Variants in THADA observed in about 807,000 individuals in gnomAD.
The protein encoded by THADA is THADA armadillo repeat containing.
A neutral mutation model predicts 219.8 loss-of-function variants in THADA; 213 were observed. That is an observed-to-expected ratio of 0.97 (90% confidence interval 0.87 to 1.09). The LOEUF is 1.09. Among genes scored for constraint, THADA ranks in the 50% least tolerant of loss-of-function variants. The pLI is 0.00. For synonymous variants in THADA, 1,018 were observed against 828.9 expected, an observed-to-expected ratio of 1.23 and a Z score of -3.92; for missense variants, 2,956 against 2,311.3, an observed-to-expected ratio of 1.28 and a Z score of -5.72.
chr2:43,512,782 G>A (rs775097177), intron 22 of THADA, among the ~76,000 whole-genome samples: 8 of 152,292 alleles, frequency 5.3e-5, no homozygotes, highest in East Asian at 1.9e-4. Flanking sequence ...GATTACAGGC[G>A]TGAGCCACCG....
intron 36 of THADA, among the ~76,000 whole-genome samples, chr2:43,264,761 G>A (rs1671333330): frequency 6.6e-6 from 1 of 152,178 alleles, no homozygotes; most frequent in South Asian, 2.1e-4. Flanking sequence ...AGAGGATAGA[G>A]GGCAGGGTTA....
In THADA at chr2:43,508,788, G is replaced by A. The variant is rs768619603; in HGVS notation, c.3375-8C>T. Reference sequence around the variant, plus strand: ...AGACTCACATTTGGGCACCTAAAAGGCATATATAATCAAATATTCGGAATT... The same window carrying A: ...AGACTCACATTTGGGCACCTAAAAGACATATATAATCAAATATTCGGAATT... On this transcript the variant is annotated splice_region_variant and splice_polypyrimidine_tract_variant and intron_variant, in intron 22 of 37. Coordinates refer to ENST00000405975, the MANE Select transcript of THADA (RefSeq NM_022065.5). The A allele has an allele frequency of 1.4e-5, 23 of 1,610,940 alleles. No individual in the cohort carries two copies. The highest frequency in any genetic ancestry group is 8.9e-5 in the East Asian group (4 of 44,870).
chr2:43,412,067 G>T (rs1262115966), intron 28 of THADA, among the ~76,000 whole-genome samples: 3 of 152,128 alleles, frequency 2.0e-5, no homozygotes, highest in African/African-American at 7.2e-5. Context: ...CAATTTTGAT[G>T]ATCAGATGAT....
At chr2:43,438,591 A>G (rs1369485434) in intron 26 of THADA, among the ~76,000 whole-genome samples, 3 of 152,214 alleles carry the variant, frequency 2.0e-5, no homozygotes, top group Non-Finnish European at 2.9e-5. Flanking sequence ...TTGTTCATCA[A>G]CAAAACATGA....
intron 28 of THADA, among the ~76,000 whole-genome samples, chr2:43,415,318 T>C (rs969035048): frequency 6.6e-6 from 1 of 152,144 alleles, no homozygotes; most frequent in Middle Eastern, 3.2e-3. Flanking sequence ...TGTCAAATCA[T>C]TTAATATAGG....
In THADA at chr2:43,567,085, C is replaced by CT. The variant is rs34061617; in HGVS notation, c.2188-265dup. ...ATTGTAGCCCAGACAGATACGTACA[C>CT]TTTTTTTTTTTTTTTAAGACAGAGT... is the stretch of plus-strand genomic sequence containing the variant. On this transcript the variant is annotated intron_variant, in intron 14 of 37. Transcript: ENST00000405975. 3.4e-3 allele frequency among the ~76,000 whole-genome samples: 488 copies of CT among 144,142 alleles called. 1 individual carries two copies. The highest frequency in any genetic ancestry group is 7.1e-3 in the Middle Eastern group (2 of 282). 94.6% of individuals were successfully genotyped at this position (144,142 alleles called of 152,430 possible). A position where few individuals can be genotyped will look rare whatever the true frequency, so the allele number is the denominator to read the frequency against.
chr2:43,429,653 T>C (rs1435282566), intron 27 of THADA, among the ~76,000 whole-genome samples: 1 of 151,820 alleles, frequency 6.6e-6, no homozygotes, highest in East Asian at 1.9e-4. Context: ...TTTTTAAAAA[T>C]AGGAAGAAAA....
At chr2:43,424,531 A>G (rs768148507) in intron 28 of THADA, among the ~76,000 whole-genome samples, 2 of 152,176 alleles carry the variant, frequency 1.3e-5, no homozygotes, top group Admixed American at 1.3e-4. Context: ...CTTTACCACA[A>G]TCAGAACCAC....
intron 30 of THADA, among the ~76,000 whole-genome samples, chr2:43,328,727 G>C (rs377511050): frequency 6.6e-6 from 1 of 152,264 alleles, no homozygotes; most frequent in South Asian, 2.1e-4. Context: ...CAGGGTTCTG[G>C]GTAGGCATTC....
At chr2:43,456,671 C>T (rs959567693) in intron 26 of THADA, among the ~76,000 whole-genome samples, 1 of 151,914 alleles carries the variant, frequency 6.6e-6, no homozygotes, top group Non-Finnish European at 1.5e-5. Flanking sequence ...AATGCATCAA[C>T]AAATCACAAA....
intron 30 of THADA, among the ~76,000 whole-genome samples, chr2:43,332,142 G>A (rs1185096688): frequency 6.6e-6 from 1 of 152,198 alleles, no homozygotes; most frequent in African/African-American, 2.4e-5. Context: ...CCGGAGTGCA[G>A]TGGCACGATC....
chr2:43,418,968 G>A (rs1381389379), intron 28 of THADA, among the ~76,000 whole-genome samples: 5 of 152,166 alleles, frequency 3.3e-5, no homozygotes, highest in Admixed American at 3.3e-4. Context: ...TGGAAGAAGC[G>A]GCCAGGCTGC....
At chr2:43,460,968 G>A in intron 26 of THADA, among the ~76,000 whole-genome samples, 1 of 152,182 alleles carries the variant, frequency 6.6e-6, no homozygotes. Flanking sequence ...GTAGGAGGAG[G>A]AGAAAAGTCA....
At chr2:43,546,857 T>C (rs559247222) in intron 20 of THADA, among the ~76,000 whole-genome samples, 25 of 152,348 alleles carry the variant, frequency 1.6e-4, no homozygotes, top group Non-Finnish European at 2.4e-4. Flanking sequence ...AATTGGAGCA[T>C]TTAGTCCATT....
chr2:43,345,161 TG>T (rs1667499987), intron 29 of THADA, among the ~76,000 whole-genome samples: 1 of 152,248 alleles, frequency 6.6e-6, no homozygotes, highest in Non-Finnish European at 1.5e-5. Flanking sequence ...TCTCTAGAGC[TG>T]TGAATGATTC....
Position 43,455,045 on chromosome 2 carries a change from T to C in THADA, c.3837-24743A>G, listed in dbSNP as rs534210837. The stretch of plus-strand genomic sequence containing the variant: ...TAGTTCTACATGTTCTTAAGCTACT[T>C]GATAATTTTCTGCCCTCACTTTGCT... On this transcript the variant is annotated intron_variant, in intron 26 of 37. Coordinates refer to ENST00000405975, the MANE Select transcript of THADA (RefSeq NM_022065.5). 3.3e-5 allele frequency among the ~76,000 whole-genome samples: 5 copies of C among 152,306 alleles called. No individual in the cohort carries two copies. The South Asian group carries it at 8.3e-4, about 25-fold the overall frequency.
Position 43,329,711 on chromosome 2 carries a change from A to T in THADA, c.4344-9171T>A, listed in dbSNP as rs183550047. On this transcript the variant is annotated intron_variant, in intron 30 of 37. Coordinates refer to ENST00000405975, the MANE Select transcript of THADA (RefSeq NM_022065.5). ...GTTTTCTAGAAAACAAATTGTATCT[A>T]TGTGTCCCAAACACAATCAGGTGAA... Among the ~76,000 whole-genome samples the T allele has an allele frequency of 2.4e-3, 365 of 152,316 alleles. 2 individuals carry two copies. Among genetic ancestry groups the T allele is most frequent in the Middle Eastern group, 0.01 (3 of 294 alleles).
intron 30 of THADA, among the ~76,000 whole-genome samples, chr2:43,335,707 C>A (rs1666334286): frequency 6.6e-6 from 1 of 151,306 alleles, no homozygotes; most frequent in African/African-American, 2.4e-5. Context: ...GTCTGTAATG[C>A]CAGCACTTTG....
At chr2:43,452,670 A>T (rs1363611579) in intron 26 of THADA, among the ~76,000 whole-genome samples, 1 of 152,214 alleles carries the variant, frequency 6.6e-6, no homozygotes, top group African/African-American at 2.4e-5. Context: ...GGTTAGATTA[A>T]GGTTCCTCAC....
Sources: allele counts gnomAD v4.1 joint callset (sites outside exome capture counted in the v4.1 genomes callset), GRCh38; gene constraint gnomAD v4.1.1; transcripts MANE v1.5; gene names NCBI Gene and HGNC (gene_info 2026-07-23, HGNC 2026-07-21).